Variants in UTRN observed in about 807,000 individuals in gnomAD.
The protein encoded by UTRN is utrophin, also known as dystrophin-related protein 1.
UTRN carries 283 observed loss-of-function variants against 463.9 expected under a neutral mutation model. The observed-to-expected ratio is 0.61, with a 90% confidence interval of 0.55 to 0.67. The LOEUF (loss-of-function observed/expected upper bound fraction) is 0.67. Among genes scored for constraint, UTRN ranks in the 30% least tolerant of loss-of-function variants. The pLI is 0.00. For synonymous variants in UTRN, 1,442 were observed against 1,431.5 expected (o/e 1.01, Z -0.17); for missense variants, 3,922 against 4,084.3 (o/e 0.96, Z 1.08).
chr6:144,563,350 T>G (rs181481609), intron 50 of UTRN, among the ~76,000 whole-genome samples: 4 of 152,282 alleles, frequency 2.6e-5, no homozygotes, highest in Admixed American at 6.5e-5. Flanking sequence ...TATAGATTAA[T>G]AAAAATGAAG....
At chr6:144,330,074 C>T (rs770610752) in intron 2 of UTRN, among the ~76,000 whole-genome samples, 9 of 152,180 alleles carry the variant, frequency 5.9e-5, no homozygotes, top group Non-Finnish European at 1.3e-4. Context: ...TCGGGGACTT[C>T]ATAGGGACCT....
chr6:144,806,603 A>G (rs1446008582), intron 65 of UTRN, among the ~76,000 whole-genome samples: 1 of 102,166 alleles, frequency 9.8e-6, no homozygotes, highest in African/African-American at 3.4e-5. Context: ...CTGAAGCCAC[A>G]GAGAAAGATG....
chr6:144,302,566 A>G (rs1287589326), intron 2 of UTRN, among the ~76,000 whole-genome samples: 1 of 152,114 alleles, frequency 6.6e-6, no homozygotes, highest in Non-Finnish European at 1.5e-5. Flanking sequence ...TTGCTTACAT[A>G]CATACCTCAT....
Position 144,458,780 on chromosome 6 carries a change from T to C in UTRN, c.2295T>C (p.Pro765=). 1.3e-6 allele frequency: 2 copies of C among 1,597,380 alleles called. No homozygotes were observed. Among genetic ancestry groups the C allele is most frequent in the Non-Finnish European group, 1.7e-6 (2 of 1,174,652 alleles). The change falls in exon 20 of 75, where the codon CCT becomes CCC. Residue 765 remains proline, a synonymous_variant. Transcript: ENST00000367545. ...TTCATGTCTGCATAGAAGGCCTTCC[T>C]ACTGAAGAAATAAAAAATGTTCTGG... The part of the protein sequence containing the change: ...LVEQMGKEGL[P]TEEIKNVLEK...
At chr6:144,323,966 A>G (rs551202027) in intron 2 of UTRN, among the ~76,000 whole-genome samples, 1 of 152,290 alleles carries the variant, frequency 6.6e-6, no homozygotes, top group African/African-American at 2.4e-5. Context: ...TGGCCTTGAA[A>G]TTATTTCTGT....
chr6:144,290,010 T>C (rs1167571832), intron 1 of UTRN, among the ~76,000 whole-genome samples: 1 of 152,238 alleles, frequency 6.6e-6, no homozygotes, highest in Non-Finnish European at 1.5e-5. Flanking sequence ...TCTGTGTGTA[T>C]GCATATATAC....
chr6:144,451,531 A>G (rs750567492), intron 18 of UTRN, 38 bp downstream of exon 18: 1 of 1,563,598 alleles, frequency 6.4e-7, no homozygotes, highest in Non-Finnish European at 8.6e-7. Flanking sequence ...AGTGCATAAA[A>G]TAGTTCATCA....
At chr6:144,317,189 C>T (rs1167078488) in intron 2 of UTRN, among the ~76,000 whole-genome samples, 1 of 152,138 alleles carries the variant, frequency 6.6e-6, no homozygotes, top group Non-Finnish European at 1.5e-5. Context: ...AACTCAGAAC[C>T]TCATAAATAG....
chr6:144,687,117 G>T, intron 52 of UTRN, among the ~76,000 whole-genome samples: 1 of 152,132 alleles, frequency 6.6e-6, no homozygotes, highest in Non-Finnish European at 1.5e-5. Context: ...GCGTCCCTGG[G>T]ATGAAACCTA....
chr6:144,831,615 T>G (rs1247678229), intron 69 of UTRN, among the ~76,000 whole-genome samples: 1 of 152,176 alleles, frequency 6.6e-6, no homozygotes, highest in African/African-American at 2.4e-5. Flanking sequence ...TTCGATTGAC[T>G]CTGGACAATT....
At chr6:144,828,693 C>A in intron 68 of UTRN, 97 bp from the exon 69 acceptor site, 2 of 1,221,862 alleles carry the variant, frequency 1.6e-6, no homozygotes, top group Non-Finnish European at 2.4e-6. Flanking sequence ...TATGTTTTGT[C>A]AGAATTTTGA....
At chr6:144,518,228 C>T (rs1795796528) in intron 39 of UTRN, among the ~76,000 whole-genome samples, 1 of 152,190 alleles carries the variant, frequency 6.6e-6, no homozygotes, top group African/African-American at 2.4e-5. Flanking sequence ...TCCTTTGTCT[C>T]TTCCTCACAG....
At chr6:144,801,964 C>T (rs925930237) in intron 64 of UTRN, among the ~76,000 whole-genome samples, 1 of 152,118 alleles carries the variant, frequency 6.6e-6, no homozygotes, top group Non-Finnish European at 1.5e-5. Context: ...CACCCAATAA[C>T]TTTGGTTTTT....
intron 33 of UTRN, 82 bp downstream of exon 33, chr6:144,493,538 A>T: frequency 7.1e-7 from 1 of 1,417,888 alleles, no homozygotes; most frequent in Non-Finnish European, 9.3e-7. Flanking sequence ...GTTCTCTCTC[A>T]TGTATTTTTA....
rs138730873 is a variant in UTRN, at chr6:144,291,846, A to G, written c.18A>G (p.Glu6=). The change falls in exon 2 of 75, where the codon GAA becomes GAG. Residue 6 remains glutamate (E), a synonymous_variant. Coordinates refer to ENST00000367545, the MANE Select transcript of UTRN (RefSeq NM_007124.3). MAKYG[E]HEASPDNGQN... ...CTGGCAAGATGGCCAAGTATGGAGA[A>G]CATGAAGCCAGTCCTGACAATGGGC... 168 of 1,613,232 alleles carry G rather than the reference A, an allele frequency of 1.0e-4. No homozygotes were observed. The highest frequency in any genetic ancestry group is 1.3e-4 in the Non-Finnish European group (159 of 1,179,656).
At chr6:144,600,339 T>TG (rs1804113839) in intron 51 of UTRN, among the ~76,000 whole-genome samples, 1 of 152,244 alleles carries the variant, frequency 6.6e-6, no homozygotes, top group South Asian at 2.1e-4. Flanking sequence ...GCAGGCCTCT[T>TG]GCATCCAACA....
intron 54 of UTRN, among the ~76,000 whole-genome samples, chr6:144,745,621 C>T (rs1302959992): frequency 6.6e-6 from 1 of 152,098 alleles, no homozygotes; most frequent in Non-Finnish European, 1.5e-5. Flanking sequence ...ACTGCTCAAT[C>T]AATAAATTTT....
chr6:144,442,359 A>G (rs1284752773), intron 13 of UTRN, among the ~76,000 whole-genome samples: 1 of 152,010 alleles, frequency 6.6e-6, no homozygotes, highest in Non-Finnish European at 1.5e-5. Context: ...AGCTCTCCAA[A>G]TGTTTCCAAC....
intron 2 of UTRN, among the ~76,000 whole-genome samples, chr6:144,397,204 A>G (rs934799636): frequency 3.3e-5 from 5 of 151,936 alleles, no homozygotes; most frequent in African/African-American, 1.2e-4. Context: ...AGATCACACC[A>G]TTGCACTCCA....
Sources: gnomAD v4.1 joint callset for allele counts (sites outside exome capture counted in the v4.1 genomes callset) on GRCh38, gnomAD v4.1.1 for gene constraint, MANE v1.5 for transcripts, NCBI Gene and HGNC (gene_info 2026-07-23, HGNC 2026-07-21) for gene names.